The following ATP10D variants were observed in gnomAD, a reference collection of about 807,000 sequenced individuals.
ATP10D encodes ATPase phospholipid transporting 10D (putative).
In ATP10D, 89 loss-of-function variants were observed where a neutral mutation model predicts 144.8. That is an observed-to-expected ratio of 0.61 (90% CI 0.52 to 0.73). The LOEUF is 0.73. Among genes scored for constraint, ATP10D ranks in the 30% least tolerant of loss-of-function variants. The pLI is 0.00. For missense variants in ATP10D, 1,603 were observed against 1,714.8 expected (o/e 0.93, Z 1.15); for synonymous variants, 571 against 615.1 (o/e 0.93, Z 1.06).
intron 1 of ATP10D, among the ~76,000 whole-genome samples, chr4:47,493,029 A>G (rs1021797280): frequency 6.6e-6 from 1 of 152,122 alleles, no homozygotes; most frequent in Non-Finnish European, 1.5e-5. Flanking sequence ...TTTCCATTTC[A>G]GCTACAAATA....
chr4:47,542,964 C>T (rs1272752524), intron 9 of ATP10D, among the ~76,000 whole-genome samples: 1 of 150,062 alleles, frequency 6.7e-6, no homozygotes, highest in Non-Finnish European at 1.5e-5. Context: ...AGGAGTTACA[C>T]GATCATTAAA....
Position 47,591,090 on chromosome 4 carries a change from G to A in ATP10D, c.3990G>A (p.Leu1330=), listed in dbSNP as rs766793334. ...LQGSLFPSPI[L]RAKHFDRLTP... Reference sequence around the variant, plus strand: ...GATCCCTGTTTCCATCTCCAATTCTGAGAGCTAAGCACTTTGACAGACTAA... The same window carrying A: ...GATCCCTGTTTCCATCTCCAATTCTAAGAGCTAAGCACTTTGACAGACTAA... Residue 1330 remains leucine, a synonymous_variant, in exon 23 of 23, where the codon CTG becomes CTA. Coordinates refer to ENST00000273859, the MANE Select transcript of ATP10D (RefSeq NM_020453.4). 1.2e-6 allele frequency: 2 copies of A among 1,612,446 alleles called. No individual in the cohort carries two copies. The highest frequency in any genetic ancestry group is 8.5e-7 in the Non-Finnish European group (1 of 1,179,204).
intron 1 of ATP10D, among the ~76,000 whole-genome samples, chr4:47,506,831 T>C (rs372439609): frequency 1.3e-5 from 2 of 152,172 alleles, no homozygotes; most frequent in African/African-American, 2.4e-5. Flanking sequence ...GACCAGTTGG[T>C]TTATTAGCAG....
Position 47,561,065 on chromosome 4 carries a change from T to TA in ATP10D, c.2659dup (p.Thr887AsnfsTer9). ...CTGCCATGAGGTTGGAGAACAAACTTACATTACTTGGTAGGTGAATTATGT... is the reference window on the plus strand; with the variant it reads ...CTGCCATGAGGTTGGAGAACAAACTTAACATTACTTGGTAGGTGAATTATGT... On this transcript the variant is annotated frameshift_variant, in exon 14 of 23. Transcript: ENST00000273859. LOFTEE classifies it high-confidence loss of function. 1 of 1,614,172 alleles carries TA rather than the reference T, an allele frequency of 6.2e-7. No individual in the cohort carries two copies. The highest frequency in any genetic ancestry group is 8.5e-7 in the Non-Finnish European group (1 of 1,179,994).
In ATP10D at chr4:47,496,159, T is replaced by TC. The variant is rs797018675; in HGVS notation, c.-38+10640_-38+10641insC. Among the ~76,000 whole-genome samples, 74 of 89,644 alleles carry TC rather than the reference T, an allele frequency of 8.3e-4. 1 individual carries two copies. The highest frequency in any genetic ancestry group is 2.8e-3 in the East Asian group (2 of 706). 58.8% of individuals were successfully genotyped at this position (89,644 alleles called of 152,430 possible). On this transcript the variant is annotated intron_variant, in intron 1 of 22. Coordinates refer to ENST00000273859, the MANE Select transcript of ATP10D (RefSeq NM_020453.4). Reference sequence around the variant, plus strand: ...TTGTGTAGTGACTTTCCTTTTTCTTTTTTTTTTTTTTTTTTGAGACGGAGT... The same window carrying TC: ...TTGTGTAGTGACTTTCCTTTTTCTTTCTTTTTTTTTTTTTTTGAGACGGAGT...
chr4:47,540,288 C>A (rs1425672915), intron 9 of ATP10D, among the ~76,000 whole-genome samples: 2 of 152,086 alleles, frequency 1.3e-5, no homozygotes, highest in African/African-American at 4.8e-5. Context: ...TTGGAAACAA[C>A]CTCTCACACA....
At chr4:47,498,390 TC>T (rs1432263763) in intron 1 of ATP10D, among the ~76,000 whole-genome samples, 1 of 152,160 alleles carries the variant, frequency 6.6e-6, no homozygotes, top group Non-Finnish European at 1.5e-5. Flanking sequence ...TTAGCAAATG[TC>T]CTAGGGGGCT....
intron 18 of ATP10D, 117 bp downstream of exon 18, chr4:47,573,114 A>C: frequency 8.0e-7 from 1 of 1,252,422 alleles, no homozygotes; most frequent in East Asian, 2.4e-5. Flanking sequence ...TGTATTGGGA[A>C]CAGCCAGGAC....
chr4:47,589,945 G>T (rs1267263370), intron 22 of ATP10D, among the ~76,000 whole-genome samples: 2 of 152,062 alleles, frequency 1.3e-5, no homozygotes, highest in African/African-American at 4.8e-5. Flanking sequence ...TGTTGGTGAG[G>T]TTTCAGAAGA....
At chr4:47,533,306 A>G (rs1717665021) in intron 5 of ATP10D, among the ~76,000 whole-genome samples, 1 of 152,156 alleles carries the variant, frequency 6.6e-6, no homozygotes, top group Non-Finnish European at 1.5e-5. Flanking sequence ...AAAACGAAAA[A>G]GCTGAATTAG....
chr4:47,551,509 C>G (rs1383369887), intron 10 of ATP10D, among the ~76,000 whole-genome samples: 1 of 152,236 alleles, frequency 6.6e-6, no homozygotes, highest in East Asian at 1.9e-4. Context: ...TCTTTTTCCT[C>G]TGGTTGTTTC....
chr4:47,565,565 A>G (rs560059235), intron 15 of ATP10D, among the ~76,000 whole-genome samples: 1 of 152,256 alleles, frequency 6.6e-6, no homozygotes, highest in African/African-American at 2.4e-5. Flanking sequence ...TTTACTCATA[A>G]TGGGAGAGTA....
At chr4:47,587,251 G>C in intron 22 of ATP10D, 45 bp downstream of exon 22, 1 of 1,543,610 alleles carries the variant, frequency 6.5e-7, no homozygotes, top group Non-Finnish European at 8.8e-7. Flanking sequence ...GGAATCATAG[G>C]CTAAGAATCC....
intron 13 of ATP10D, 96 bp downstream of exon 13, chr4:47,559,125 C>A: frequency 1.2e-6 from 1 of 839,056 alleles, no homozygotes; most frequent in Non-Finnish European, 1.9e-6. Flanking sequence ...AATCCAGATG[C>A]TGGGGAAAGT....
At chr4:47,580,865 C>T (rs766437820) in intron 20 of ATP10D, among the ~76,000 whole-genome samples, 2 of 152,058 alleles carry the variant, frequency 1.3e-5, no homozygotes, top group Non-Finnish European at 2.9e-5. Flanking sequence ...AGTTTGAAAC[C>T]AGCTTGCACA....
At chr4:47,567,017 A>T (rs1719673943) in intron 15 of ATP10D, among the ~76,000 whole-genome samples, 1 of 149,176 alleles carries the variant, frequency 6.7e-6, no homozygotes, top group Admixed American at 6.8e-5. Flanking sequence ...AAAGATGCAA[A>T]AAATATGGCA....
chr4:47,532,856 C>T (rs902209014), intron 5 of ATP10D, among the ~76,000 whole-genome samples: 14 of 152,094 alleles, frequency 9.2e-5, no homozygotes, highest in African/African-American at 3.4e-4. Context: ...GTCCAGACTG[C>T]ATGTTTGTTT....
At position 47,515,366 on chromosome 4, in the gene ATP10D, A is replaced by C; in HGVS notation, c.291-110A>C. The C allele has an allele frequency of 3.7e-6, 3 of 811,350 alleles. 1 individual carries two copies. The South Asian group carries it at 5.7e-5, about 15-fold the overall frequency. The allele number at this position is 811,350 out of a possible 1,614,324, so 50.3% of individuals were successfully genotyped here. Reference sequence around the variant, plus strand: ...TTCTGCTAGTTCTATATTCTGTAACATACAAAATCTACTAATAGAAACTTA... The same window carrying C: ...TTCTGCTAGTTCTATATTCTGTAACCTACAAAATCTACTAATAGAAACTTA... On this transcript the variant is annotated intron_variant, in intron 2 of 22. Transcript: ENST00000273859.
At position 47,539,701 on chromosome 4, in the gene ATP10D, G is replaced by A. The variant is rs74848579; in HGVS notation, c.1396+2763G>A. 4.9e-3 allele frequency among the ~76,000 whole-genome samples: 750 copies of A among 152,230 alleles called. 8 individuals are homozygous for A. In the East Asian group the frequency reaches 0.05, roughly 10 times the overall value. On this transcript the variant is annotated intron_variant, in intron 9 of 22. Coordinates refer to ENST00000273859, the MANE Select transcript of ATP10D (RefSeq NM_020453.4). The stretch of plus-strand genomic sequence containing the variant: ...GCATTTGTGAGGTTAGTGTTTTCCT[G>A]AATTATTTGACCACAGATCCCCATT...
Sources: gnomAD v4.1 joint callset for allele counts (sites outside exome capture counted in the v4.1 genomes callset) on GRCh38, gnomAD v4.1.1 for gene constraint, MANE v1.5 for transcripts, NCBI Gene and HGNC (gene_info 2026-07-23, HGNC 2026-07-21) for gene names.